MYO9A: variants seen among roughly 807,000 people sequenced by gnomAD.
MYO9A encodes unconventional myosin-IXa.
MYO9A carries 103 observed loss-of-function variants against 293.3 expected under a neutral mutation model. The ratio of observed to expected loss-of-function variants is 0.35; its 90% confidence interval spans 0.30 to 0.41. The LOEUF is 0.41. Among genes scored for constraint, MYO9A ranks in the 10% least tolerant of loss-of-function variants. The pLI is 1.00. For synonymous variants in MYO9A, 1,001 were observed against 1,035.7 expected, an observed-to-expected ratio of 0.97 and a Z score of 0.64; for missense variants, 2,685 against 3,033.0, an observed-to-expected ratio of 0.89 and a Z score of 2.69.
intron 14 of MYO9A, chr15:71,959,413 T>C (rs1403436568): frequency 1.3e-5 from 2 of 157,132 alleles, no homozygotes; most frequent in Non-Finnish European, 2.8e-5. Flanking sequence ...CTCAACTGCA[T>C]ATGTATCACA....
intron 38 of MYO9A, 76 bp downstream of exon 38, chr15:71,849,960 G>T (rs370899809): frequency 6.0e-5 from 63 of 1,056,458 alleles, no homozygotes; most frequent in Non-Finnish European, 7.1e-5. Context: ...CATTCACTAT[G>T]TTTGATATCT....
chr15:72,029,149 G>A (rs946581302), intron 3 of MYO9A, among the ~76,000 whole-genome samples: 2 of 152,128 alleles, frequency 1.3e-5, no homozygotes, highest in Non-Finnish European at 1.5e-5. Context: ...AGAGTGACTG[G>A]GTAAATGAAT....
chr15:72,053,321 G>A (rs983206715), intron 1 of MYO9A, among the ~76,000 whole-genome samples: 4 of 151,862 alleles, frequency 2.6e-5, no homozygotes, highest in African/African-American at 4.8e-5. Context: ...CAGGAGAATC[G>A]CTTGAACTCA....
At chr15:72,102,825 G>T (rs1368290559) in intron 1 of MYO9A, among the ~76,000 whole-genome samples, 1 of 151,980 alleles carries the variant, frequency 6.6e-6, no homozygotes, top group African/African-American at 2.4e-5. Context: ...TTATGCTGGA[G>T]ATCTCAGGCA....
At chr15:71,837,518 C>T (rs2054991166) in intron 39 of MYO9A, among the ~76,000 whole-genome samples, 1 of 152,048 alleles carries the variant, frequency 6.6e-6, no homozygotes, top group Non-Finnish European at 1.5e-5. Context: ...TGAGTTTATT[C>T]CTAGTGTCCA....
At chr15:71,924,240 T>C (rs563044699) in intron 18 of MYO9A, among the ~76,000 whole-genome samples, 2 of 151,762 alleles carry the variant, frequency 1.3e-5, no homozygotes, top group South Asian at 4.2e-4. Context: ...ATTATTATTA[T>C]CATTATTGTT....
rs34367978 is a variant in MYO9A, at chr15:72,072,072, C to CAA, written c.-71-25440_-71-25439dup. Reference sequence around the variant, plus strand: ...GGGGTGACAGAGTGAGAGCCCATGTCAAAAAAAAAAAAAAAAAGTATATAT... The same window carrying CAA: ...GGGGTGACAGAGTGAGAGCCCATGTCAAAAAAAAAAAAAAAAAAAGTATATAT... On this transcript the variant is annotated intron_variant, in intron 1 of 41. Coordinates refer to ENST00000356056, the MANE Select transcript of MYO9A (RefSeq NM_006901.4). 3.8e-3 allele frequency among the ~76,000 whole-genome samples: 253 copies of CAA among 66,934 alleles called. 3 individuals are homozygous for CAA. In the East Asian group the frequency reaches 0.04, roughly 10 times the overall value. The allele number at this position is 66,934 out of a possible 152,430, so 43.9% of individuals were successfully genotyped here. A position where few individuals can be genotyped will look rare whatever the true frequency, so the allele number is the denominator to read the frequency against.
chr15:71,901,259 G>A lies in MYO9A; in HGVS notation c.3082C>T (p.Arg1028Ter), dbSNP rs1462394037. ...EVLRRIILLQ[R>*]WFRVLLCRQH... ...CTACACAGCAAGACCCTGAACCATC[G>A]CTGCAACAATATGATTCTGCGGAGC... The change falls in exon 23 of 42, where the codon CGA becomes TGA. Residue 1028 changes from arginine to a stop codon, truncating the protein, a stop_gained. Transcript: ENST00000356056. LOFTEE classifies it high-confidence loss of function. 2 of 1,614,000 alleles carry A rather than the reference G, an allele frequency of 1.2e-6. No homozygotes were observed. The highest frequency in any genetic ancestry group is 1.7e-5 in the Admixed American group (1 of 59,990).
chr15:71,897,984 G>T lies in MYO9A; in HGVS notation c.4519C>A (p.Gln1507Lys). Reference sequence around the variant, plus strand: ...TGTTCCATCATCTCTTTTTCATTCTGTTGCTGCAACTGTTTTTGCCTTTCT... The same window carrying T: ...TGTTCCATCATCTCTTTTTCATTCTTTTGCTGCAACTGTTTTTGCCTTTCT... ...KEERQKQLQQ[Q>K]NEKEMMEQIR... Residue 1507 changes from glutamine to lysine, a missense_variant, in exon 25 of 42, where the codon CAG (glutamine) becomes AAG (lysine). Gln to Lys is a moderately conservative substitution (Grantham distance 53). This residue lies in a region of MYO9A where 1,434 missense variants were observed against 1,497.7 expected (regional missense o/e 0.96). Coordinates refer to ENST00000356056, the MANE Select transcript of MYO9A (RefSeq NM_006901.4). 1 of 1,613,988 alleles carries T rather than the reference G, an allele frequency of 6.2e-7. No individual in the cohort carries two copies. Among genetic ancestry groups the T allele is most frequent in the Middle Eastern group, 1.6e-4 (1 of 6,062 alleles).
At chr15:72,090,961 A>T (rs968234977) in intron 1 of MYO9A, among the ~76,000 whole-genome samples, 1 of 150,674 alleles carries the variant, frequency 6.6e-6, no homozygotes, top group Non-Finnish European at 1.5e-5. Context: ...CACGAGTTCA[A>T]GAACAGCTTC....
At chr15:71,862,735 G>T in intron 32 of MYO9A, 124 bp from the exon 33 acceptor site, 1 of 589,076 alleles carries the variant, frequency 1.7e-6, no homozygotes, top group Non-Finnish European at 3.0e-6. Flanking sequence ...GGGACAATTA[G>T]GATCTTTTGA....
chr15:71,938,191 A>G (rs779441379), intron 16 of MYO9A, among the ~76,000 whole-genome samples: 4 of 152,108 alleles, frequency 2.6e-5, no homozygotes, highest in Non-Finnish European at 5.9e-5. Flanking sequence ...AAAATGATCA[A>G]TGAAGTTATA....
intron 32 of MYO9A, among the ~76,000 whole-genome samples, chr15:71,864,442 A>G (rs2056255110): frequency 6.6e-6 from 1 of 152,220 alleles, no homozygotes; most frequent in Non-Finnish European, 1.5e-5. Flanking sequence ...AACTGGAAGC[A>G]TAGAGTTGCC....
intron 1 of MYO9A, among the ~76,000 whole-genome samples, chr15:72,091,321 T>A (rs1227929315): frequency 6.6e-6 from 1 of 152,216 alleles, no homozygotes; most frequent in Non-Finnish European, 1.5e-5. Context: ...TTTCTTGATA[T>A]CCATATGGGG....
At chr15:71,865,706 T>C (rs1418194662) in intron 32 of MYO9A, among the ~76,000 whole-genome samples, 1 of 152,186 alleles carries the variant, frequency 6.6e-6, no homozygotes, top group African/African-American at 2.4e-5. Flanking sequence ...TTTGGGATAA[T>C]GTTCTCAAAT....
At chr15:71,995,501 G>T (rs535101316) in intron 9 of MYO9A, among the ~76,000 whole-genome samples, 1 of 150,408 alleles carries the variant, frequency 6.6e-6, no homozygotes, top group South Asian at 2.1e-4. Context: ...CTATTTTCCT[G>T]TAAGTCTGAA....
intron 6 of MYO9A, among the ~76,000 whole-genome samples, chr15:72,014,751 A>G (rs2077277120): frequency 6.7e-6 from 1 of 148,320 alleles, no homozygotes; most frequent in East Asian, 2.1e-4. Context: ...GAAAGAAAGG[A>G]AAGAAAGAAA....
At position 71,825,911 on chromosome 15, in the gene MYO9A, A is replaced by G. The variant is rs2054463213; in HGVS notation, c.*669T>C. 1 of 148,100 alleles carries G rather than the reference A, an allele frequency of 6.8e-6. No individual in the cohort carries two copies. The highest frequency in any genetic ancestry group is 6.7e-5 in the Admixed American group (1 of 14,928). 9.2% of individuals were successfully genotyped at this position (148,100 alleles called of 1,614,324 possible). On this transcript the variant is annotated 3_prime_UTR_variant, in exon 42 of 42. Coordinates refer to ENST00000356056, the MANE Select transcript of MYO9A (RefSeq NM_006901.4). ...TATGACATCAAACATCATCAAAAAA[A>G]ATAGGTATTCTCTTCTTCACTGTAT...
At chr15:71,912,499 G>A (rs1380582032) in intron 19 of MYO9A, among the ~76,000 whole-genome samples, 1 of 152,110 alleles carries the variant, frequency 6.6e-6, no homozygotes, top group African/African-American at 2.4e-5. Context: ...TGGGTGATCT[G>A]CCTGCCTCGG....
Sources: gnomAD v4.1 joint callset for allele counts (sites outside exome capture counted in the v4.1 genomes callset) on GRCh38, gnomAD v4.1.1 for gene constraint, gnomAD v4.1.1 regional missense constraint, MANE v1.5 for transcripts, NCBI Gene and HGNC (gene_info 2026-07-23, HGNC 2026-07-21) for gene names.